AQR: variants seen among roughly 807,000 people sequenced by gnomAD.
The protein encoded by AQR is RNA helicase aquarius.
AQR carries 61 observed loss-of-function variants against 180.5 expected under a neutral mutation model. That is an observed-to-expected ratio of 0.34 (90% CI 0.28 to 0.42). AQR has a LOEUF of 0.42. AQR is among the 10% of genes least tolerant of loss of function. The pLI, the probability that AQR is intolerant of heterozygous loss-of-function variation, is 1.00. For missense variants in AQR, 1,281 were observed against 1,798.3 expected (o/e 0.71, Z 5.20); for synonymous variants, 551 against 588.8 (o/e 0.94, Z 0.93).
At position 34,852,759 on chromosome 15, in the gene AQR, CAGAGT is replaced by C. The variant is rs1208193437; in HGVS notation, c.*4028_*4032del. ...TTATCTGACCATAGAACATATTTCTCAGAGTATTTTTCAAGAGTAGTATTTTCTGT... is the reference window on the plus strand; with the variant it reads ...TTATCTGACCATAGAACATATTTCTCATTTTTCAAGAGTAGTATTTTCTGT... On this transcript the variant is annotated 3_prime_UTR_variant, in exon 35 of 35. Transcript: ENST00000156471. The C allele has an allele frequency of 6.6e-5, 10 of 152,182 alleles. No individual in the cohort carries two copies. Among genetic ancestry groups the C allele is most frequent in the Admixed American group, 6.5e-4 (10 of 15,282 alleles). The allele number at this position is 152,182 out of a possible 1,614,324, so 9.4% of individuals were successfully genotyped here. A position where few individuals can be genotyped will look rare whatever the true frequency, so the allele number is the denominator to read the frequency against.
Position 34,927,068 on chromosome 15 carries a change from C to T in AQR, c.1085G>A (p.Arg362Gln), listed in dbSNP as rs762281906. 9.4e-6 allele frequency: 15 copies of T among 1,595,090 alleles called. No homozygotes were observed. The highest frequency in any genetic ancestry group is 1.3e-5 in the African/African-American group (1 of 74,358). ...TCCAAAAAACTTGACCAAGGACTCCCGAGTATCTACTTCTGCCACATTTGA... is the reference window on the plus strand; with the variant it reads ...TCCAAAAAACTTGACCAAGGACTCCTGAGTATCTACTTCTGCCACATTTGA... Reference protein sequence around the residue: ...ALSNVAEVDTRESLVKFFGPL... With the variant: ...ALSNVAEVDTQESLVKFFGPL... Residue 362 changes from arginine to glutamine, a missense_variant, in exon 13 of 35, where the codon CGG becomes CAG. Physicochemically the swap from Arg to Gln is conservative, Grantham distance 43. Transcript: ENST00000156471.
chr15:34,902,654 T>C lies in AQR; in HGVS notation c.2001+1682A>G, dbSNP rs146269718. On this transcript the variant is annotated intron_variant, in intron 19 of 34. Transcript: ENST00000156471. The stretch of plus-strand genomic sequence containing the variant: ...TCTTAGCACAATATCTGACTTACAG[T>C]AGGCACTAAATAGTCAAACAAATGA... 3.3e-3 allele frequency among the ~76,000 whole-genome samples: 500 copies of C among 152,262 alleles called. 5 individuals carry two copies. The highest frequency in any genetic ancestry group is 0.026 in the East Asian group (136 of 5,180).
intron 28 of AQR, 90 bp from the exon 29 acceptor site, chr15:34,874,954 GCTTC>G: frequency 4.9e-6 from 6 of 1,212,594 alleles, no homozygotes; most frequent in Non-Finnish European, 5.7e-6. Flanking sequence ...TCATCAAACA[GCTTC>G]CTTATCTTAC....
At position 34,856,867 on chromosome 15, in the gene AQR, C is replaced by T; in HGVS notation, c.4383G>A (p.Val1461=). 6.2e-7 allele frequency: 1 copy of T among 1,612,650 alleles called. No homozygotes were observed. The highest frequency in any genetic ancestry group is 1.3e-5 in the African/African-American group (1 of 74,998). Residue 1461 remains valine, a synonymous_variant, in exon 35 of 35, where the codon GTG becomes GTA. Coordinates refer to ENST00000156471, the MANE Select transcript of AQR (RefSeq NM_014691.3). ...CTGCCGGTGCAGATACAGCTCCTAC[C>T]ACAGTAGGGGTGGTCTCAGATAAAG... ...IPALSETTPT[V]VGAVSAPAEA...
At chr15:34,960,931 T>C in intron 2 of AQR, 117 bp from the exon 3 acceptor site, 1 of 424,944 alleles carries the variant, frequency 2.4e-6, no homozygotes, top group Non-Finnish European at 4.2e-6. Flanking sequence ...CCATCAAATA[T>C]TACTGCTATT....
chr15:34,860,324 T>G (rs1189750185), intron 33 of AQR, among the ~76,000 whole-genome samples, 169 bp from the exon 34 acceptor site: 1 of 151,610 alleles, frequency 6.6e-6, no homozygotes, highest in Non-Finnish European at 1.5e-5. Context: ...GAAGACTTCA[T>G]GAATGTTAAA....
intron 22 of AQR, among the ~76,000 whole-genome samples, chr15:34,894,719 G>A (rs1331398882): frequency 6.6e-6 from 1 of 152,114 alleles, no homozygotes; most frequent in African/African-American, 2.4e-5. Flanking sequence ...TACAAAAGGG[G>A]AAGGAAGGTA....
At chr15:34,906,772 G>A (rs1422081891) in intron 17 of AQR, 60 bp from the exon 18 acceptor site, 1 of 1,533,588 alleles carries the variant, frequency 6.5e-7, no homozygotes, top group East Asian at 2.3e-5. Context: ...GTCTTTTGTA[G>A]GCAAATTCTT....
intron 23 of AQR, 109 bp downstream of exon 23, chr15:34,893,554 A>G (rs1385535575): frequency 1.0e-5 from 9 of 877,764 alleles, no homozygotes; most frequent in Admixed American, 2.2e-5. Context: ...TGTGTCCCAC[A>G]CTTACCTCCC....
At chr15:34,963,352 T>C (rs563437001) in intron 2 of AQR, among the ~76,000 whole-genome samples, 1 of 152,332 alleles carries the variant, frequency 6.6e-6, no homozygotes, top group African/African-American at 2.4e-5. Context: ...TTATTTGTTC[T>C]AAATTGCTTC....
At chr15:34,961,534 C>T (rs977180276) in intron 2 of AQR, among the ~76,000 whole-genome samples, 2 of 146,028 alleles carry the variant, frequency 1.4e-5, no homozygotes, top group Non-Finnish European at 3.0e-5. Flanking sequence ...CACTTGAACC[C>T]GGGAGGCGGA....
chr15:34,953,462 T>C (rs1894263745), intron 3 of AQR, among the ~76,000 whole-genome samples: 1 of 152,114 alleles, frequency 6.6e-6, no homozygotes, highest in Admixed American at 6.6e-5. Flanking sequence ...GCTTTGAAAA[T>C]TAAAAATACA....
chr15:34,867,410 C>A, intron 32 of AQR, 114 bp downstream of exon 32: 1 of 824,692 alleles, frequency 1.2e-6, no homozygotes, highest in Non-Finnish European at 1.9e-6. Flanking sequence ...GCAAAAGTTG[C>A]CTAGTAATTA....
intron 13 of AQR, among the ~76,000 whole-genome samples, chr15:34,925,597 T>C (rs1893748904): frequency 6.6e-6 from 1 of 151,968 alleles, no homozygotes; most frequent in South Asian, 2.1e-4. Context: ...TCCCAGCTCT[T>C]TGGGAGGCCG....
chr15:34,902,971 A>G (rs933032795), intron 19 of AQR, among the ~76,000 whole-genome samples: 3 of 152,136 alleles, frequency 2.0e-5, no homozygotes, highest in Non-Finnish European at 4.4e-5. Context: ...ATCAGTTATG[A>G]TACAGGCTCT....
At chr15:34,963,774 C>CT (rs1335185449) in intron 2 of AQR, among the ~76,000 whole-genome samples, 1 of 150,858 alleles carries the variant, frequency 6.6e-6, no homozygotes, top group African/African-American at 2.5e-5. Context: ...CGCCATTCTC[C>CT]TGCCTCAGCC....
intron 7 of AQR, among the ~76,000 whole-genome samples, chr15:34,941,430 A>G (rs1894020228): frequency 2.0e-5 from 3 of 152,326 alleles, no homozygotes; most frequent in South Asian, 4.1e-4. Flanking sequence ...ACTTAGTATT[A>G]ATTATTTATA....
intron 16 of AQR, among the ~76,000 whole-genome samples, chr15:34,912,261 T>C (rs1307368173): frequency 6.6e-6 from 1 of 152,166 alleles, no homozygotes; most frequent in East Asian, 1.9e-4. Flanking sequence ...TCAGGGTCTC[T>C]TCATGTTACA....
At chr15:34,887,198 T>C (rs1323541335) in intron 24 of AQR, among the ~76,000 whole-genome samples, 1 of 152,030 alleles carries the variant, frequency 6.6e-6, no homozygotes, top group Non-Finnish European at 1.5e-5. Flanking sequence ...GTTACTGGTC[T>C]AGGAGGAGGG....
Sources: allele counts gnomAD v4.1 joint callset (sites outside exome capture counted in the v4.1 genomes callset), GRCh38; gene constraint gnomAD v4.1.1; transcripts MANE v1.5; gene names NCBI Gene and HGNC (gene_info 2026-07-23, HGNC 2026-07-21).